PNKP: variants seen among roughly 807,000 people sequenced by gnomAD.
PNKP encodes the protein polynucleotide kinase 3'-phosphatase.
A neutral mutation model predicts 66.2 loss-of-function variants in PNKP; 82 were observed. The ratio of observed to expected loss-of-function variants is 1.24; its 90% CI spans 1.04 to 1.49. PNKP has a LOEUF of 1.49. Ranked by LOEUF, PNKP falls within the 40% of genes most tolerant of loss-of-function variation. The pLI, the probability that PNKP is intolerant of heterozygous loss-of-function variation, is 0.00. For synonymous variants in PNKP, 412 were observed against 298.9 expected, an observed-to-expected ratio of 1.38 and a Z score of -3.90; for missense variants, 907 against 706.8, an observed-to-expected ratio of 1.28 and a Z score of -3.21.
In PNKP at chr19:49,861,765, A is replaced by ACGCTACCTGGCGCGG. The variant is rs1568658923; in HGVS notation, c.1290_1298+6dup. 11 of 1,566,764 alleles carry ACGCTACCTGGCGCGG rather than the reference A, an allele frequency of 7.0e-6. No homozygotes were observed. The highest frequency in any genetic ancestry group is 8.6e-6 in the Non-Finnish European group (10 of 1,156,518). ...GCAGGCCACCTACGGCCCCGCGGTC[A>ACGCTACCTGGCGCGG]CGCTACCTGGCGCGGCTCGCGGCGT... On this transcript the variant is annotated splice_region_variant and intron_variant, in intron 14 of 16. Coordinates refer to ENST00000322344, the MANE Select transcript of PNKP (RefSeq NM_007254.4).
chr19:49,864,462 C>T (rs2074803678), intron 4 of PNKP, 59 bp from the exon 5 acceptor site: 1 of 1,309,316 alleles, frequency 7.6e-7, no homozygotes, highest in South Asian at 1.2e-5. Context: ...CCTCCTCACT[C>T]ACAGGCTGAC....
In PNKP at chr19:49,863,703, G is replaced by A; in HGVS notation, c.802C>T (p.His268Tyr). Residue 268 changes from histidine to tyrosine, a missense_variant, in exon 8 of 17, where the codon CAT (histidine) becomes TAT (tyrosine). Physicochemically the swap from His to Tyr is moderately conservative, Grantham distance 83. Transcript: ENST00000322344. ...GCAAGACTCACCTGCTCCTGCAGAT[G>A]GTCCCACATGCCCGTCACCGGCTTC... ...YRKPVTGMWD[H>Y]LQEQANDGTP... 6.4e-7 allele frequency: 1 copy of A among 1,555,534 alleles called. No homozygotes were observed. Among genetic ancestry groups the A allele is most frequent in the Non-Finnish European group, 8.7e-7 (1 of 1,148,876 alleles).
intron 3 of PNKP, chr19:49,866,147 C>T: frequency 1.9e-6 from 1 of 526,870 alleles, no homozygotes; most frequent in Non-Finnish European, 3.5e-6. Flanking sequence ...CGATTAGGAA[C>T]TACAAGGACG....
chr19:49,862,488 A>G (rs2074782709), intron 10 of PNKP, 25 bp from the exon 11 acceptor site: 5 of 1,596,388 alleles, frequency 3.1e-6, no homozygotes, highest in Non-Finnish European at 4.3e-6. Context: ...CGAACATCAG[A>G]CACAGGCCAG....
Position 49,861,482 on chromosome 19 carries a change from A to C in PNKP, c.1415T>G (p.Ile472Ser). Residue 472 changes from isoleucine to serine, a missense_variant, in exon 16 of 17, where the codon ATC (isoleucine) becomes AGC (serine). Ile to Ser is a moderately radical substitution (Grantham distance 142). Transcript: ENST00000322344. ...RFREMTDSSHIPVSDMVMYGY... is the reference protein window; with the variant it reads ...RFREMTDSSHSPVSDMVMYGY... ...ATACATGACCATGTCTGACACGGGG[A>C]TATGAGAGGAGTCCGTCATCTCTCG... 6.3e-7 allele frequency: 1 copy of C among 1,598,456 alleles called. No individual in the cohort carries two copies. Among genetic ancestry groups the C allele is most frequent in the Non-Finnish European group, 8.5e-7 (1 of 1,170,736 alleles).
rs762187891 is a variant in PNKP at position 49,864,181 on chromosome 19, T to C, written c.634A>G (p.Lys212Glu). ...KLRELEAEGY[K>E]LVIFTNQMSI... ...TGCAGACAGGCGGCTGCACATACCT[T>C]GTAGCCCTCGGCTTCCAGCTCTCGG... Residue 212 changes from lysine to glutamate, a missense_variant and splice_region_variant, in exon 6 of 17, where the codon AAG (lysine) becomes GAG (glutamate). By Grantham distance (56) the Lys-to-Glu change is moderately conservative (BLOSUM62 1). Transcript: ENST00000322344. 6.2e-7 allele frequency: 1 copy of C among 1,614,000 alleles called. No homozygotes were observed. The highest frequency in any genetic ancestry group is 1.3e-5 in the African/African-American group (1 of 74,920).
chr19:49,864,379 T>C lies in PNKP; in HGVS notation c.523A>G (p.Thr175Ala), dbSNP rs2074803003. Residue 175 changes from threonine (T) to alanine (A), a missense_variant, in exon 5 of 17, where the codon ACG becomes GCG. Transcript: ENST00000322344. ...TTCCCAGAGCGTGTGGTGATGAGCG[T>C]CCCGTCCAGATCAAAGCCAGCCACC... Reference protein sequence around the residue: ...GKVAGFDLDGTLITTRSGKVF... With the variant: ...GKVAGFDLDGALITTRSGKVF... The C allele has an allele frequency of 6.2e-7, 1 of 1,613,750 alleles. No homozygotes were observed. The highest frequency in any genetic ancestry group is 1.3e-5 in the African/African-American group (1 of 74,856).
In PNKP at chr19:49,867,460, C is replaced by T. The variant is rs1386953335; in HGVS notation, c.-14+9G>A. The T allele has an allele frequency of 3.6e-6, 2 of 552,438 alleles. No homozygotes were observed. Among genetic ancestry groups the T allele is most frequent in the Non-Finnish European group, 6.5e-6 (2 of 308,210 alleles). 34.2% of individuals were successfully genotyped at this position (552,438 alleles called of 1,614,324 possible). A position where few individuals can be genotyped will look rare whatever the true frequency, so the allele number is the denominator to read the frequency against. On this transcript the variant is annotated intron_variant, in intron 1 of 16. Coordinates refer to ENST00000322344, the MANE Select transcript of PNKP (RefSeq NM_007254.4). ...CCTCGCACATGCCTCCGCCCCGCCC[C>T]GTACTCACCCGGGACCGCGGCTTGG...
Position 49,861,786 on chromosome 19 carries a change from G to A in PNKP, c.1284C>T (p.Ala428=), listed in dbSNP as rs749177501. The A allele has an allele frequency of 7.0e-6, 11 of 1,565,758 alleles. No individual in the cohort carries two copies. The highest frequency in any genetic ancestry group is 1.2e-5 in the South Asian group (1 of 85,746). ...GGTCACGCTACCTGGCGCGGCTCGC[G>A]GCGTCTGGGTTTGTGTTGTCGATGG... ...RVAIDNTNPD[A]ASRARYVQCA... The change falls in exon 14 of 17, where the codon GCC becomes GCT. Residue 428 remains alanine, a synonymous_variant. Coordinates refer to ENST00000322344, the MANE Select transcript of PNKP (RefSeq NM_007254.4).
chr19:49,864,514 C>G, intron 4 of PNKP, 111 bp from the exon 5 acceptor site: 1 of 834,084 alleles, frequency 1.2e-6, no homozygotes, highest in Non-Finnish European at 2.1e-6. Flanking sequence ...ACTGCCATCT[C>G]ACAGATGGGG....
Position 49,862,192 on chromosome 19 carries a change from G to A in PNKP, c.1119C>T (p.Phe373=). The change falls in exon 12 of 17, where the codon TTC becomes TTT. Residue 373 remains phenylalanine, a synonymous_variant. Transcript: ENST00000322344. The part of the protein sequence containing the change: ...ASPEVVVAVG[F]PGAGKSTFLK... ...CAGGAACAGGACACTTACCCCCAGGGAATCCCACTGCGACAACCACCTCCG... is the reference window on the plus strand; with the variant it reads ...CAGGAACAGGACACTTACCCCCAGGAAATCCCACTGCGACAACCACCTCCG... 2 of 1,613,760 alleles carry A rather than the reference G, an allele frequency of 1.2e-6. No individual in the cohort carries two copies. The highest frequency in any genetic ancestry group is 1.1e-5 in the South Asian group (1 of 91,016).
rs949517384 is a variant in PNKP, at chr19:49,867,099, C to T, written c.106G>A (p.Gly36Arg). Reference protein sequence around the residue: ...SDGQALVLGRGPLTQVTDRKC... With the variant: ...SDGQALVLGRRPLTQVTDRKC... ...CGGTCCGTAACCTGGGTCAGGGGTCCCCTGCCCAGGACCAGGGCTTGCCCG... is the reference window on the plus strand; with the variant it reads ...CGGTCCGTAACCTGGGTCAGGGGTCTCCTGCCCAGGACCAGGGCTTGCCCG... Residue 36 changes from glycine (G) to arginine (R), a missense_variant, in exon 2 of 17, where the codon GGA becomes AGA. By Grantham distance (125) the Gly-to-Arg change is moderately radical (BLOSUM62 -2). Coordinates refer to ENST00000322344, the MANE Select transcript of PNKP (RefSeq NM_007254.4). The T allele has an allele frequency of 1.9e-5, 30 of 1,613,614 alleles. No homozygotes were observed. Among genetic ancestry groups the T allele is most frequent in the Admixed American group, 1.7e-5 (1 of 60,006 alleles).
chr19:49,864,389 A>G lies in PNKP; in HGVS notation c.513T>C (p.Asp171=), dbSNP rs929865929. Residue 171 remains aspartate, a synonymous_variant, in exon 5 of 17, where the codon GAT becomes GAC. Coordinates refer to ENST00000322344, the MANE Select transcript of PNKP (RefSeq NM_007254.4). ...GTGTGGTGATGAGCGTCCCGTCCAG[A>G]TCAAAGCCAGCCACCTGGTGTCACC... ...VKPQGKVAGF[D]LDGTLITTRS... 1 of 1,613,816 alleles carries G rather than the reference A, an allele frequency of 6.2e-7. No homozygotes were observed. Among genetic ancestry groups the G allele is most frequent in the Non-Finnish European group, 8.5e-7 (1 of 1,179,762 alleles).
At chr19:49,863,201 C>T (rs994858839) in intron 8 of PNKP, among the ~76,000 whole-genome samples, 20 of 152,170 alleles carry the variant, frequency 1.3e-4, no homozygotes, top group African/African-American at 4.3e-4. Flanking sequence ...GGGGGGGGAC[C>T]GCTTTCCCCA....
intron 8 of PNKP, among the ~76,000 whole-genome samples, chr19:49,863,342 G>A (rs921006946): frequency 3.3e-5 from 5 of 152,298 alleles, no homozygotes; most frequent in South Asian, 4.1e-4. Context: ...TGTTTTACAC[G>A]CCAGTCTGCC....
rs746555608 is a variant in PNKP, at chr19:49,861,924, G to T, written c.1189-43C>A. ...CACAAACAGATCGGCAGACCCAGGGGGAGAGAAGACCCCGAGCGGGGACGG... is the reference window on the plus strand; with the variant it reads ...CACAAACAGATCGGCAGACCCAGGGTGAGAGAAGACCCCGAGCGGGGACGG... On this transcript the variant is annotated intron_variant, in intron 13 of 16. Transcript: ENST00000322344. 3 of 1,581,058 alleles carry T rather than the reference G, an allele frequency of 1.9e-6. No homozygotes were observed. The East Asian group carries it at 6.8e-5, about 36-fold the overall frequency.
Position 49,861,633 on chromosome 19 carries a change from A to G in PNKP, c.1361T>C (p.Leu454Pro), listed in dbSNP as rs1176839387. The part of the protein sequence containing the change: ...PCRCFLFTAT[L>P]EQARHNNRFR... ...CCGGTTGTTGTGGCGCGCCTGCTCCAGAGTGGCGGTGAAGAGGAAGCAGCG... is the reference window on the plus strand; with the variant it reads ...CCGGTTGTTGTGGCGCGCCTGCTCCGGAGTGGCGGTGAAGAGGAAGCAGCG... The change falls in exon 15 of 17, where the codon CTG (leucine) becomes CCG (proline). Residue 454 changes from leucine to proline, a missense_variant. Transcript: ENST00000322344. The G allele has an allele frequency of 1.9e-6, 3 of 1,553,034 alleles. No homozygotes were observed. Among genetic ancestry groups the G allele is most frequent in the East Asian group, 4.8e-5 (2 of 41,352 alleles).
At chr19:49,866,528 G>A (rs773459143) in intron 2 of PNKP, 83 bp from the exon 3 acceptor site, 1 of 1,324,942 alleles carries the variant, frequency 7.5e-7, no homozygotes. Flanking sequence ...CCTGCTTCAG[G>A]CTATAGCATC....
Position 49,864,323 on chromosome 19 carries a change from C to T in PNKP, c.578+1G>A. The stretch of plus-strand genomic sequence containing the variant: ...CACTCCCTTGTTTTGCCTCTTATCA[C>T]CTCCAGTCACTGGGGCCAGTGGGAA... On this transcript the variant is annotated splice_donor_variant, in intron 5 of 16. Coordinates refer to ENST00000322344, the MANE Select transcript of PNKP (RefSeq NM_007254.4). LOFTEE classifies it high-confidence loss of function. 1.2e-6 allele frequency: 2 copies of T among 1,613,596 alleles called. No individual in the cohort carries two copies. Among genetic ancestry groups the T allele is most frequent in the Admixed American group, 1.7e-5 (1 of 60,026 alleles).
Sources: allele counts gnomAD v4.1 joint callset (sites outside exome capture counted in the v4.1 genomes callset), GRCh38; gene constraint gnomAD v4.1.1; transcripts MANE v1.5; gene names NCBI Gene and HGNC (gene_info 2026-07-23, HGNC 2026-07-21).